The following MAP3K20 variants were observed in gnomAD, a reference collection of about 807,000 sequenced individuals.
The protein encoded by MAP3K20 is HCCS-4.
A neutral mutation model predicts 85.7 loss-of-function variants in MAP3K20; 40 were observed. That is an observed-to-expected ratio of 0.47 (90% confidence interval 0.36 to 0.61). The LOEUF is 0.61. MAP3K20 is among the 20% of genes least tolerant of loss of function. The pLI is 0.00. For synonymous variants in MAP3K20, 325 were observed against 327.7 expected, an observed-to-expected ratio of 0.99 and a Z score of 0.09; for missense variants, 817 against 961.7, an observed-to-expected ratio of 0.85 and a Z score of 1.99.
chr2:173,220,080 G>GAAAAAAAAAAAAAAAAAAA (rs76443589), intron 11 of MAP3K20, among the ~76,000 whole-genome samples: 1 of 85,462 alleles, frequency 1.2e-5, no homozygotes. Flanking sequence ...AAAAAAAAAG[G>GAAAAAAAAAAAAAAAAAAA]AAACTGATCC....
At chr2:173,216,077 T>C (rs769589767) in intron 10 of MAP3K20, among the ~76,000 whole-genome samples, 3 of 152,104 alleles carry the variant, frequency 2.0e-5, no homozygotes, top group Non-Finnish European at 4.4e-5. Flanking sequence ...CCCTCTCCCC[T>C]CTCCCTCATT....
At chr2:173,159,837 G>T (rs75947013) in intron 2 of MAP3K20, among the ~76,000 whole-genome samples, 3,278 of 152,230 alleles carry the variant, frequency 0.022, 60 homozygotes, top group South Asian at 0.046. Context: ...CTCCTATCCT[G>T]CCAGGTGAGT....
At chr2:173,230,510 C>T (rs1437485451) in intron 12 of MAP3K20, among the ~76,000 whole-genome samples, 1 of 152,148 alleles carries the variant, frequency 6.6e-6, no homozygotes, top group East Asian at 1.9e-4. Context: ...GACACAAGCA[C>T]GCCCAGACAT....
At position 173,266,718 on chromosome 2, in the gene MAP3K20, A is replaced by G. The variant is rs1192064214; in HGVS notation, c.2371A>G (p.Arg791Gly). The G allele has an allele frequency of 1.3e-5, 21 of 1,571,712 alleles. No homozygotes were observed. Among genetic ancestry groups the G allele is most frequent in the Non-Finnish European group, 1.7e-5 (20 of 1,159,220 alleles). The stretch of plus-strand genomic sequence containing the variant: ...CGCCAAAACCAATAAAGAGAGAGCC[A>G]GAGGGGACCACCGTGGATGGAGAAA... ...SPAKTNKERA[R>G]GDHRGWRNF The change falls in exon 20 of 20, where the codon AGA (arginine) becomes GGA (glycine). Residue 791 changes from arginine (R) to glycine (G), a missense_variant. Transcript: ENST00000375213.
intron 11 of MAP3K20, chr2:173,225,186 T>A: frequency 1.0e-6 from 1 of 978,868 alleles, no homozygotes; most frequent in Non-Finnish European, 1.2e-6. Context: ...TGTTTGAGAG[T>A]GTTGGGGCTA....
At chr2:173,189,097 C>T (rs551947583) in intron 5 of MAP3K20, among the ~76,000 whole-genome samples, 85 of 152,108 alleles carry the variant, frequency 5.6e-4, no homozygotes, top group Non-Finnish European at 9.4e-4. Flanking sequence ...AGAATATAGA[C>T]CTAACTTATA....
chr2:173,113,551 A>G (rs1688033724), intron 2 of MAP3K20, among the ~76,000 whole-genome samples: 1 of 152,160 alleles, frequency 6.6e-6, no homozygotes, highest in African/African-American at 2.4e-5. Context: ...TCCTCTTAGC[A>G]CTGCCTTTGC....
chr2:173,231,214 C>T (rs756893114), intron 12 of MAP3K20, among the ~76,000 whole-genome samples: 4 of 152,214 alleles, frequency 2.6e-5, no homozygotes, highest in Admixed American at 6.5e-5. Context: ...CTAGCTCAAC[C>T]TGGTTTTGGG....
At chr2:173,222,439 C>G in intron 11 of MAP3K20, 1 of 985,804 alleles carries the variant, frequency 1.0e-6, no homozygotes, top group Non-Finnish European at 1.2e-6. Flanking sequence ...CATACCACTG[C>G]TGGCCATGGA....
At chr2:173,110,223 ATATATATATATATATATATTTTTTTT>A (rs1687915711) in intron 2 of MAP3K20, among the ~76,000 whole-genome samples, 1 of 9,298 alleles carries the variant, frequency 1.1e-4, no homozygotes, top group Admixed American at 9.8e-4. Flanking sequence ...ATATATATAT[ATATATATATATATATATATTTTTTTT>A]TTTTTTTTTT....
At chr2:173,086,792 A>C (rs1054035223) in intron 1 of MAP3K20, among the ~76,000 whole-genome samples, 1 of 152,190 alleles carries the variant, frequency 6.6e-6, no homozygotes, top group Non-Finnish European at 1.5e-5. Flanking sequence ...TAAGGCTTAC[A>C]TGAATTCATA....
intron 2 of MAP3K20, among the ~76,000 whole-genome samples, chr2:173,134,622 G>T (rs552198564): frequency 1.3e-5 from 2 of 150,114 alleles, no homozygotes; most frequent in Admixed American, 1.3e-4. Context: ...CTTTAACGCT[G>T]CCCATTGGTT....
At position 173,224,601 on chromosome 2, in the gene MAP3K20, G is replaced by A. The variant is rs918613067; in HGVS notation, c.988-5088G>A. On this transcript the variant is annotated intron_variant, in intron 11 of 19. Transcript: ENST00000375213. ...ACCACCAAGAACCTAAAAGGAATTA[G>A]AATACAGCAGAATTGGCCTCAGTGA... 2.0e-5 allele frequency: 20 copies of A among 985,132 alleles called. No individual in the cohort carries two copies. In the African/African-American group the frequency reaches 3.5e-4, roughly 17 times the overall value. 61.0% of individuals were successfully genotyped at this position (985,132 alleles called of 1,614,324 possible).
At chr2:173,219,717 T>G (rs1684177896) in intron 11 of MAP3K20, among the ~76,000 whole-genome samples, 1 of 151,744 alleles carries the variant, frequency 6.6e-6, no homozygotes, top group African/African-American at 2.4e-5. Context: ...TCCAGGAGGG[T>G]TTTTCCCAAA....
chr2:173,144,531 A>G (rs1689082235), intron 2 of MAP3K20, among the ~76,000 whole-genome samples: 1 of 140,190 alleles, frequency 7.1e-6, no homozygotes, highest in Admixed American at 7.0e-5. Flanking sequence ...AAGAGAAAAG[A>G]AAAGAAATAC....
chr2:173,097,152 G>A (rs192255778), intron 2 of MAP3K20, among the ~76,000 whole-genome samples: 1,838 of 152,264 alleles, frequency 0.012, 23 homozygotes, highest in Middle Eastern at 0.024. Context: ...AGGCCGAGGC[G>A]GGCGGATCAC....
chr2:173,140,827 T>TAC (rs35068399), intron 2 of MAP3K20, among the ~76,000 whole-genome samples: 43,701 of 151,436 alleles, frequency 0.29, 6,608 homozygotes, highest in African/African-American at 0.36. Flanking sequence ...ACTAAACATA[T>TAC]ACACACACAC....
At chr2:173,117,961 G>T (rs1008816806) in intron 2 of MAP3K20, among the ~76,000 whole-genome samples, 7 of 152,230 alleles carry the variant, frequency 4.6e-5, no homozygotes, top group Non-Finnish European at 1.0e-4. Context: ...CAAAAGGAAA[G>T]ATGTGAGTAC....
intron 2 of MAP3K20, among the ~76,000 whole-genome samples, chr2:173,168,602 T>G (rs1689906985): frequency 6.6e-6 from 1 of 152,212 alleles, no homozygotes; most frequent in Non-Finnish European, 1.5e-5. Flanking sequence ...GTCTCCATTT[T>G]CATTAACTGC....
Sources: allele counts gnomAD v4.1 joint callset (sites outside exome capture counted in the v4.1 genomes callset), GRCh38; gene constraint gnomAD v4.1.1; transcripts MANE v1.5; gene names NCBI Gene and HGNC (gene_info 2026-07-23, HGNC 2026-07-21).